The following ACTN4 variants were observed in gnomAD, a reference collection of about 807,000 sequenced individuals.
The protein encoded by ACTN4 is alpha-actinin-4.
ACTN4 carries 18 observed loss-of-function variants against 114.2 expected under a neutral mutation model. That is an observed-to-expected ratio of 0.16 (90% CI 0.11 to 0.23). ACTN4 has a LOEUF of 0.23. ACTN4 is among the 10% of genes least tolerant of loss of function. ACTN4 has a pLI of 1.00. For missense variants in ACTN4, 722 were observed against 1,262.9 expected (o/e 0.57, Z 6.49); for synonymous variants, 515 against 506.3 (o/e 1.02, Z -0.23).
rs763430701 is a variant in ACTN4, at chr19:38,724,311, C to T, written c.1847C>T (p.Pro616Leu). 8 of 1,613,694 alleles carry T rather than the reference C, an allele frequency of 5.0e-6. No homozygotes were observed. Among genetic ancestry groups the T allele is most frequent in the Admixed American group, 1.7e-5 (1 of 60,006 alleles). Residue 616 changes from proline to leucine, a missense_variant, in exon 15 of 21, where the codon CCG (proline) becomes CTG (leucine). This residue lies in a region of ACTN4 where 523 missense variants were observed against 875.9 expected (regional missense o/e 0.60). Coordinates refer to ENST00000252699, the MANE Select transcript of ACTN4 (RefSeq NM_004924.6). The surrounding 1 kb of genome is among the most constrained non-coding windows in gnomAD (Gnocchi z 7.0). ...SGSNPYTTVT[P>L]QIINSKWEKV... ...AGCAACCCCTACACCACCGTCACCC[C>T]GCAAATCATCAACTCCAAGTGGGAG...
rs536670796 is a variant in ACTN4, at chr19:38,708,875, A to G, written c.652-520A>G. On this transcript the variant is annotated intron_variant, in intron 6 of 20. Transcript: ENST00000252699. ...CACCAGATGGCACCCAGCCCGTTCCAGCCACAGTGAGCAAGAGAGCTGGGC... is the reference window on the plus strand; with the variant it reads ...CACCAGATGGCACCCAGCCCGTTCCGGCCACAGTGAGCAAGAGAGCTGGGC... Among the ~76,000 whole-genome samples the G allele has an allele frequency of 2.1e-3, 319 of 152,318 alleles. 1 individual carries two copies. The highest frequency in any genetic ancestry group is 3.2e-3 in the Non-Finnish European group (216 of 68,024).
chr19:38,697,707 G>C (rs1194230948), intron 1 of ACTN4, among the ~76,000 whole-genome samples: 1 of 152,240 alleles, frequency 6.6e-6, no homozygotes, highest in Admixed American at 6.5e-5. Context: ...TCTGGGCCTG[G>C]CAACACCAGA....
rs768795495 is a variant in ACTN4, at chr19:38,717,298, C to T, written c.1125C>T (p.Ser375=). ...RLSNRPAFMP[S]EGKMVSDINN... Reference sequence around the variant, plus strand: ...GCAACCGGCCCGCCTTCATGCCCTCCGAGGGCAAGATGGTCTCGGTGAGCA... The same window carrying T: ...GCAACCGGCCCGCCTTCATGCCCTCTGAGGGCAAGATGGTCTCGGTGAGCA... Residue 375 remains serine (S), a synonymous_variant, in exon 10 of 21, where the codon TCC becomes TCT. Transcript: ENST00000252699. This position sits in a 1 kb window ranked among gnomAD's most constrained non-coding sequence, Gnocchi z 4.0. The T allele has an allele frequency of 2.1e-5, 34 of 1,613,700 alleles. No homozygotes were observed. The highest frequency in any genetic ancestry group is 1.4e-4 in the South Asian group (13 of 91,034).
In ACTN4 at chr19:38,731,184, C is replaced by G. The variant is rs779945430; in HGVS notation, c.*1752C>G. The stretch of plus-strand genomic sequence containing the variant: ...ACGCAGACGGCTATCCCGGTAGCGG[C>G]TGGTGAGGGTCTGGGTCAGCTGGTT... On this transcript the variant is annotated 3_prime_UTR_variant, in exon 21 of 21. Transcript: ENST00000252699. The G allele has an allele frequency of 5.0e-6, 8 of 1,613,006 alleles. No individual in the cohort carries two copies. The highest frequency in any genetic ancestry group is 1.1e-5 in the South Asian group (1 of 91,064).
intron 1 of ACTN4, 61 bp downstream of exon 1, chr19:38,647,968 TG>T: frequency 8.5e-7 from 1 of 1,171,326 alleles, no homozygotes; most frequent in Non-Finnish European, 1.1e-6. Context: ...CGGGGAGGGG[TG>T]GGAGGTCCTG....
chr19:38,698,544 G>T (rs1968166563), intron 1 of ACTN4, among the ~76,000 whole-genome samples: 1 of 152,252 alleles, frequency 6.6e-6, no homozygotes, highest in Non-Finnish European at 1.5e-5. Context: ...GTGGTCTGCA[G>T]GGAGGAGGCT....
At chr19:38,686,340 A>G (rs1049317768) in intron 1 of ACTN4, among the ~76,000 whole-genome samples, 3 of 152,228 alleles carry the variant, frequency 2.0e-5, no homozygotes, top group African/African-American at 7.2e-5. Context: ...TCTTTTTGAA[A>G]GATCAAAGTT....
chr19:38,702,713 G>T (rs1345511679), intron 3 of ACTN4, among the ~76,000 whole-genome samples: 1 of 152,134 alleles, frequency 6.6e-6, no homozygotes, highest in Non-Finnish European at 1.5e-5. Flanking sequence ...GTGGACACTG[G>T]GTCCCTCCCC....
intron 1 of ACTN4, among the ~76,000 whole-genome samples, chr19:38,689,162 T>C (rs933625774): frequency 2.6e-4 from 40 of 152,014 alleles, no homozygotes; most frequent in African/African-American, 9.4e-4. Context: ...ATCCAAAAGA[T>C]AGAAGCAACA....
At chr19:38,663,156 C>T (rs541109940) in intron 1 of ACTN4, among the ~76,000 whole-genome samples, 2 of 152,236 alleles carry the variant, frequency 1.3e-5, no homozygotes, top group African/African-American at 4.8e-5. Flanking sequence ...GGTGATCCAC[C>T]CGCCTCAGCC....
In ACTN4 at chr19:38,670,122, CAGCCCCACCATTCAG is replaced by C. The variant is rs1251799618; in HGVS notation, c.162+22217_162+22231del. 3.9e-5 allele frequency among the ~76,000 whole-genome samples: 6 copies of C among 152,180 alleles called. No homozygotes were observed. In the East Asian group the frequency reaches 1.2e-3, roughly 29 times the overall value. On this transcript the variant is annotated intron_variant, in intron 1 of 20. Coordinates refer to ENST00000252699, the MANE Select transcript of ACTN4 (RefSeq NM_004924.6). ...CCCTTTCTCCTCCATATGCCCCTCC[CAGCCCCACCATTCAG>C]ATAGGGTGGCTGGAAAGAACATCTC...
intron 1 of ACTN4, among the ~76,000 whole-genome samples, chr19:38,672,238 CTT>C (rs35567918): frequency 7.0e-5 from 8 of 113,708 alleles, no homozygotes; most frequent in Admixed American, 1.0e-4. Context: ...ACATGTGGTT[CTT>C]TTTTTTTTTT....
At position 38,721,925 on chromosome 19, in the gene ACTN4, GGTGTCTGGCCCCTT is replaced by G; in HGVS notation, c.1442+240_1442+253del. On this transcript the variant is annotated intron_variant, in intron 12 of 20. Coordinates refer to ENST00000252699, the MANE Select transcript of ACTN4 (RefSeq NM_004924.6). The stretch of plus-strand genomic sequence containing the variant: ...GATTTGGATTCTCTAGCAGGAGGGA[GGTGTCTGGCCCCTT>G]GTCTTGATTCTTCAGGCTTTAGGGG... The G allele has an allele frequency of 6.3e-6, 4 of 635,566 alleles. No homozygotes were observed. In the South Asian group the frequency reaches 7.0e-5, roughly 11 times the overall value. 39.4% of individuals were successfully genotyped at this position (635,566 alleles called of 1,614,324 possible).
chr19:38,712,988 G>A (rs1433425935), intron 8 of ACTN4, among the ~76,000 whole-genome samples: 2 of 152,122 alleles, frequency 1.3e-5, no homozygotes, highest in Non-Finnish European at 2.9e-5. Context: ...CCCGGCTGCA[G>A]GGCGCTGGCT....
intron 1 of ACTN4, among the ~76,000 whole-genome samples, chr19:38,662,701 G>GT (rs1393131218): frequency 6.6e-6 from 1 of 152,182 alleles, no homozygotes; most frequent in Non-Finnish European, 1.5e-5. Context: ...CCACGTTTGG[G>GT]ACACAGCTGT....
intron 1 of ACTN4, among the ~76,000 whole-genome samples, chr19:38,650,979 C>A (rs1162923119): frequency 1.3e-5 from 2 of 152,140 alleles, no homozygotes; most frequent in Non-Finnish European, 2.9e-5. Context: ...GAGATCCGCC[C>A]GCCTCGGTCT....
At chr19:38,658,200 A>T (rs1976767595) in intron 1 of ACTN4, among the ~76,000 whole-genome samples, 1 of 152,164 alleles carries the variant, frequency 6.6e-6, no homozygotes, top group Admixed American at 6.5e-5. Context: ...GCATTTGTGC[A>T]TGAGAGAGGG....
At chr19:38,725,316 TGGAGTG>T (rs1969195160) in intron 16 of ACTN4, among the ~76,000 whole-genome samples, 2 of 152,022 alleles carry the variant, frequency 1.3e-5, no homozygotes, top group African/African-American at 4.8e-5. Flanking sequence ...TGCCGAGACA[TGGAGTG>T]CCCGAGGTCA....
Position 38,724,607 on chromosome 19 carries a change from G to C in ACTN4, c.2010+42G>C. On this transcript the variant is annotated intron_variant, in intron 16 of 20. Coordinates refer to ENST00000252699, the MANE Select transcript of ACTN4 (RefSeq NM_004924.6). The surrounding 1 kb of genome is among the most constrained non-coding windows in gnomAD (Gnocchi z 7.0). ...CCCCACAGAGCTGAGAAGGTTCCAA[G>C]AGAGCTCCCGTAGTGAGGGGGTCCC... is the stretch of plus-strand genomic sequence containing the variant. 1 of 1,611,770 alleles carries C rather than the reference G, an allele frequency of 6.2e-7. No individual in the cohort carries two copies. The highest frequency in any genetic ancestry group is 8.5e-7 in the Non-Finnish European group (1 of 1,179,820).
Sources: allele counts gnomAD v4.1 joint callset (sites outside exome capture counted in the v4.1 genomes callset), GRCh38; gene constraint gnomAD v4.1.1; regional missense constraint gnomAD v4.1.1; non-coding constraint Gnocchi (gnomAD v3.1); transcripts MANE v1.5; gene names NCBI Gene and HGNC (gene_info 2026-07-23, HGNC 2026-07-21).